CTIF: variants seen among roughly 807,000 people sequenced by gnomAD.
CTIF encodes CBP80/20-dependent translation initiation factor.
Under a neutral mutation model 66.0 loss-of-function variants are expected in CTIF, and 21 were observed. The observed-to-expected ratio is 0.32, with a 90% confidence interval of 0.23 to 0.46. CTIF has a LOEUF of 0.46. Ranked by LOEUF, CTIF falls within the 20% of genes least tolerant of loss-of-function variation. The pLI is 1.00. For synonymous variants in CTIF, 345 were observed against 326.4 expected (o/e 1.06, Z -0.62); for missense variants, 739 against 812.7 (o/e 0.91, Z 1.10).
chr18:48,592,920 G>A (rs1413114192), intron 1 of CTIF, among the ~76,000 whole-genome samples: 1 of 152,256 alleles, frequency 6.6e-6, no homozygotes, highest in Non-Finnish European at 1.5e-5. Context: ...GAGGCAGGCT[G>A]CCGCGGATCA....
At chr18:48,764,400 G>A (rs145182547) in intron 9 of CTIF, among the ~76,000 whole-genome samples, 150 of 152,246 alleles carry the variant, frequency 9.9e-4, no homozygotes, top group African/African-American at 3.2e-3. Context: ...GGTGCGTGCC[G>A]TTACTGCCCC....
At chr18:48,837,077 G>C (rs1193815313) in intron 10 of CTIF, among the ~76,000 whole-genome samples, 1 of 152,204 alleles carries the variant, frequency 6.6e-6, no homozygotes, top group Non-Finnish European at 1.5e-5. Context: ...AGGTCCAGAG[G>C]TTACGAGCTG....
intron 1 of CTIF, among the ~76,000 whole-genome samples, chr18:48,586,369 C>G (rs1464304487): frequency 6.6e-6 from 1 of 150,714 alleles, no homozygotes. Flanking sequence ...CTCCTTGATT[C>G]AAGCGATTCT....
At chr18:48,721,386 AGAGGTCTAGTCTCTACT>A (rs1313852990) in intron 7 of CTIF, among the ~76,000 whole-genome samples, 1 of 152,178 alleles carries the variant, frequency 6.6e-6, no homozygotes, top group African/African-American at 2.4e-5. Flanking sequence ...ATTCCTCCTC[AGAGGTCTAGTCTCTACT>A]GAAATGCTAG....
At chr18:48,660,431 T>G (rs975576174) in intron 3 of CTIF, among the ~76,000 whole-genome samples, 1 of 152,122 alleles carries the variant, frequency 6.6e-6, no homozygotes, top group Non-Finnish European at 1.5e-5. Context: ...CACGGAAGGG[T>G]GGGCTTCCTC....
chr18:48,855,586 C>T (rs530001288), intron 10 of CTIF, among the ~76,000 whole-genome samples: 1 of 152,298 alleles, frequency 6.6e-6, no homozygotes, highest in East Asian at 1.9e-4. Context: ...ATCTCCTAAG[C>T]GGGACAGTAG....
intron 10 of CTIF, among the ~76,000 whole-genome samples, chr18:48,846,497 A>G (rs62103336): frequency 0.35 from 47,852 of 137,078 alleles, 8,136 homozygotes; most frequent in African/African-American, 0.5. Context: ...ATGAAAGGAT[A>G]GATGGATGGA....
chr18:48,630,314 T>G (rs1038892397), intron 2 of CTIF, among the ~76,000 whole-genome samples: 49 of 152,324 alleles, frequency 3.2e-4, no homozygotes, highest in African/African-American at 1.2e-3. Flanking sequence ...TGGGCGACTG[T>G]GCATGTTGCA....
rs190496170 is a variant in CTIF, at chr18:48,660,424, G to A, written c.253-3328G>A. ...TCACAGGGCTGTTCTGCAGATGCAC[G>A]GAAGGGTGGGCTTCCTCTGTAAAGA... is the stretch of plus-strand genomic sequence containing the variant. On this transcript the variant is annotated intron_variant, in intron 3 of 11. Coordinates refer to ENST00000256413, the MANE Select transcript of CTIF (RefSeq NM_014772.3). Among the ~76,000 whole-genome samples, 695 of 152,330 alleles carry A rather than the reference G, an allele frequency of 4.6e-3. 9 individuals are homozygous for A. The highest frequency in any genetic ancestry group is 0.016 in the African/African-American group (666 of 41,566).
chr18:48,768,712 C>T (rs947506788), intron 9 of CTIF, among the ~76,000 whole-genome samples: 1 of 151,942 alleles, frequency 6.6e-6, no homozygotes, highest in South Asian at 2.1e-4. Context: ...GAGTTTGAGA[C>T]CAGCCTGGGC....
intron 1 of CTIF, among the ~76,000 whole-genome samples, chr18:48,562,667 G>A (rs188951386): frequency 6.6e-6 from 1 of 152,300 alleles, no homozygotes; most frequent in African/African-American, 2.4e-5. Context: ...GGGAACTTAT[G>A]CAGGCCAAGA....
intron 7 of CTIF, among the ~76,000 whole-genome samples, chr18:48,751,834 C>T (rs2145822625): frequency 6.6e-6 from 1 of 152,200 alleles, no homozygotes; most frequent in East Asian, 1.9e-4. Flanking sequence ...AGCTATGTGG[C>T]CTCAGGCAAA....
At chr18:48,850,915 T>C (rs1004220750) in intron 10 of CTIF, among the ~76,000 whole-genome samples, 2 of 152,250 alleles carry the variant, frequency 1.3e-5, no homozygotes, top group African/African-American at 4.8e-5. Flanking sequence ...ACCAAGGCCC[T>C]TCCTGTGCTC....
intron 10 of CTIF, among the ~76,000 whole-genome samples, chr18:48,856,238 A>G (rs2069325876): frequency 6.6e-6 from 1 of 152,178 alleles, no homozygotes; most frequent in South Asian, 2.1e-4. Context: ...GAGAGAGTGA[A>G]TCAGAAAACT....
chr18:48,794,029 T>TC (rs5824768), intron 9 of CTIF, among the ~76,000 whole-genome samples: 27,717 of 152,086 alleles, frequency 0.18, 2,669 homozygotes, highest in East Asian at 0.32. Flanking sequence ...CATCCCCATC[T>TC]CCCCAGGGGA....
intron 9 of CTIF, among the ~76,000 whole-genome samples, chr18:48,773,474 C>T (rs928815349): frequency 4.6e-5 from 7 of 152,366 alleles, no homozygotes; most frequent in Middle Eastern, 3.4e-3. Context: ...TCCACCACCA[C>T]CCCCACCAGC....
chr18:48,574,759 G>A (rs1451703304), intron 1 of CTIF, among the ~76,000 whole-genome samples: 1 of 150,680 alleles, frequency 6.6e-6, no homozygotes, highest in Non-Finnish European at 1.5e-5. Flanking sequence ...CGTCCCCTAG[G>A]AGTGTGGTGT....
intron 10 of CTIF, among the ~76,000 whole-genome samples, chr18:48,848,506 G>A (rs187793903): frequency 1.3e-5 from 2 of 152,364 alleles, no homozygotes; most frequent in Admixed American, 1.3e-4. Flanking sequence ...TGCTGTGGGT[G>A]AGCTGAGGTG....
rs557340278 is a variant in CTIF, at chr18:48,817,899, G to A, written c.1527+523G>A. ...AAGGGAACCAGCACCCCCTTCCCCC[G>A]TGGGGTGTTGTGAACTGAGGCTCCA... On this transcript the variant is annotated intron_variant, in intron 10 of 11. Coordinates refer to ENST00000256413, the MANE Select transcript of CTIF (RefSeq NM_014772.3). 7.9e-5 allele frequency among the ~76,000 whole-genome samples: 12 copies of A among 152,282 alleles called. No individual in the cohort carries two copies. In the South Asian group the frequency reaches 8.3e-4, roughly 11 times the overall value.
Sources: allele counts gnomAD v4.1 joint callset (sites outside exome capture counted in the v4.1 genomes callset), GRCh38; gene constraint gnomAD v4.1.1; transcripts MANE v1.5; gene names NCBI Gene and HGNC (gene_info 2026-07-23, HGNC 2026-07-21).